Variants in TSPAN11 observed in about 807,000 individuals in gnomAD.
TSPAN11 encodes the protein tetraspanin-11.
Under a neutral mutation model 32.9 loss-of-function variants are expected in TSPAN11, and 29 were observed. The ratio of observed to expected loss-of-function variants is 0.88; its 90% CI spans 0.66 to 1.20. TSPAN11 has a LOEUF of 1.20. Ranked by LOEUF, TSPAN11 falls within the 50% of genes most tolerant of loss-of-function variation. The pLI is 0.00. For missense variants in TSPAN11, 283 were observed against 329.1 expected, an observed-to-expected ratio of 0.86 and a Z score of 1.08; for synonymous variants, 140 against 141.3, an observed-to-expected ratio of 0.99 and a Z score of 0.07.
At chr12:31,001,027 C>T (rs564344749), downstream of TSPAN11, among the ~76,000 whole-genome samples, 8 of 152,190 alleles carry the variant, frequency 5.3e-5, no homozygotes, top group South Asian at 4.1e-4. Flanking sequence ...ATCACTGCAG[C>T]GCCTGTGCCT....
chr12:30,955,184 G>C (rs1317902537), intron 2 of TSPAN11: 1 of 152,210 alleles, frequency 6.6e-6, no homozygotes, highest in Non-Finnish European at 1.5e-5. Flanking sequence ...CTGTTAAAAA[G>C]TTGTGCGATC....
intron 1 of TSPAN11, among the ~76,000 whole-genome samples, chr12:30,928,412 A>G (rs1371144593): frequency 6.6e-6 from 1 of 152,142 alleles, no homozygotes; most frequent in Admixed American, 6.5e-5. Flanking sequence ...ACCAAGTTCT[A>G]TCTCTTGGGT....
intron 1 of TSPAN11, among the ~76,000 whole-genome samples, chr12:30,935,741 A>ATTT (rs1938032083): frequency 6.6e-6 from 1 of 152,034 alleles, no homozygotes; most frequent in Non-Finnish European, 1.5e-5. Flanking sequence ...AGAGGCAGTG[A>ATTT]TTTTCCTGCA....
Position 30,995,178 on chromosome 12 carries a change from C to T in TSPAN11, c.*3263C>T, listed in dbSNP as rs984847385. 1.3e-5 allele frequency: 2 copies of T among 152,456 alleles called. No individual in the cohort carries two copies. The highest frequency in any genetic ancestry group is 4.8e-5 in the African/African-American group (2 of 41,460). The allele number at this position is 152,456 out of a possible 1,614,324, so 9.4% of individuals were successfully genotyped here. ...TCACCCCAGGTACAAACACTGACCC[C>T]AAAGCAAGAGCAGGGACTGTCCCTC... is the stretch of plus-strand genomic sequence containing the variant. On this transcript the variant is annotated 3_prime_UTR_variant, in exon 8 of 8. Coordinates refer to ENST00000546076, the MANE Select transcript of TSPAN11 (RefSeq NM_001370302.1).
chr12:30,986,041 T>C (rs1939194984), intron 7 of TSPAN11, among the ~76,000 whole-genome samples: 1 of 152,192 alleles, frequency 6.6e-6, no homozygotes, highest in Non-Finnish European at 1.5e-5. Flanking sequence ...ACTACACTGC[T>C]CAAGTCCCAG....
chr12:30,969,902 T>C (rs968658019), intron 3 of TSPAN11, among the ~76,000 whole-genome samples: 1 of 152,322 alleles, frequency 6.6e-6, no homozygotes, highest in African/African-American at 2.4e-5. Flanking sequence ...CAAAGGACCA[T>C]GCGGGCAGTT....
chr12:31,012,035 A>T, the TSPAN11 span, among the ~76,000 whole-genome samples: 4 of 152,238 alleles, frequency 2.6e-5, no homozygotes, highest in Non-Finnish European at 5.9e-5. Flanking sequence ...GATGAGGTCC[A>T]TGCACAGCTC....
At chr12:30,996,952 T>C (rs1197601688), downstream of TSPAN11, 1 of 152,266 alleles carries the variant, frequency 6.6e-6, no homozygotes, top group East Asian at 1.9e-4. Flanking sequence ...CATCTGTTCA[T>C]GAACCTGCAG....
the TSPAN11 span, among the ~76,000 whole-genome samples, chr12:31,005,401 A>G: frequency 6.6e-6 from 1 of 152,208 alleles, no homozygotes; most frequent in Non-Finnish European, 1.5e-5. Context: ...GTCTCTCCAC[A>G]GGCGGAAGCA....
chr12:30,974,210 A>G (rs972686212), intron 3 of TSPAN11, among the ~76,000 whole-genome samples: 23 of 152,244 alleles, frequency 1.5e-4, no homozygotes, highest in African/African-American at 5.5e-4. Context: ...TGGCTCCCAC[A>G]GTGCATAGGG....
chr12:30,933,209 G>T (rs1421065245), intron 1 of TSPAN11, among the ~76,000 whole-genome samples: 1 of 152,200 alleles, frequency 6.6e-6, no homozygotes, highest in African/African-American at 2.4e-5. Flanking sequence ...CACTCTCTGG[G>T]TGATCCTTGT....
intron 1 of TSPAN11, among the ~76,000 whole-genome samples, chr12:30,934,691 G>A (rs953593107): frequency 2.0e-5 from 3 of 151,758 alleles, no homozygotes; most frequent in Non-Finnish European, 4.4e-5. Flanking sequence ...TAGTGTTAGG[G>A]TATTTTATGT....
chr12:30,941,238 G>A (rs1009859924), intron 1 of TSPAN11, among the ~76,000 whole-genome samples: 3 of 152,200 alleles, frequency 2.0e-5, no homozygotes, highest in African/African-American at 4.8e-5. Context: ...AGGGTTCTGC[G>A]GGACCGACTG....
At chr12:30,934,753 A>G (rs1490074185) in intron 1 of TSPAN11, among the ~76,000 whole-genome samples, 3 of 151,956 alleles carry the variant, frequency 2.0e-5, no homozygotes, top group African/African-American at 7.3e-5. Context: ...CCAAAACATT[A>G]GACACCCCTG....
chr12:30,941,481 C>A (rs766151089), intron 1 of TSPAN11, among the ~76,000 whole-genome samples: 14 of 152,338 alleles, frequency 9.2e-5, no homozygotes, highest in Non-Finnish European at 1.9e-4. Context: ...TTTTACCCAA[C>A]CCAGTAAGGA....
chr12:30,970,627 G>A (rs1293672123), intron 3 of TSPAN11, among the ~76,000 whole-genome samples: 1 of 152,108 alleles, frequency 6.6e-6, no homozygotes. Context: ...CCACAAGTCA[G>A]TATCAGACAT....
chr12:30,997,515 G>A (rs73099727), downstream of TSPAN11: 6,643 of 152,528 alleles, frequency 0.044, 212 homozygotes, highest in Non-Finnish European at 0.064. Flanking sequence ...TTCACATGGC[G>A]GCAGGAGAGA....
intron 1 of TSPAN11, among the ~76,000 whole-genome samples, chr12:30,938,172 T>A (rs1160537568): frequency 6.6e-6 from 1 of 152,128 alleles, no homozygotes; most frequent in African/African-American, 2.4e-5. Flanking sequence ...TGAAGGAAGT[T>A]TAATGCCACA....
chr12:30,987,528 AC>A (rs1422372182), intron 7 of TSPAN11, among the ~76,000 whole-genome samples: 1 of 151,788 alleles, frequency 6.6e-6, no homozygotes, highest in Non-Finnish European at 1.5e-5. Context: ...AAACGCTTGA[AC>A]CCAGGAGGCG....
Sources: allele counts gnomAD v4.1 joint callset (sites outside exome capture counted in the v4.1 genomes callset), GRCh38; gene constraint gnomAD v4.1.1; transcripts MANE v1.5; gene names NCBI Gene and HGNC (gene_info 2026-07-23, HGNC 2026-07-21).